Variants in PDHX observed in about 807,000 individuals in gnomAD.
The protein encoded by PDHX is pyruvate dehydrogenase complex component X, also known as pyruvate dehydrogenase protein X component, mitochondrial.
PDHX carries 33 observed loss-of-function variants against 55.3 expected under a neutral mutation model. That is an observed-to-expected ratio of 0.60 (90% CI 0.45 to 0.80). The LOEUF (loss-of-function observed/expected upper bound fraction) is 0.80, where lower values mean the gene tolerates loss of function less well. Among genes scored for constraint, PDHX ranks in the 30% least tolerant of loss-of-function variants. PDHX has a pLI of 0.00. For synonymous variants in PDHX, 226 were observed against 219.4 expected (o/e 1.03, Z -0.27); for missense variants, 622 against 619.9 (o/e 1.00, Z -0.04).
chr11:34,955,927 T>C (rs1207158085), intron 3 of PDHX, among the ~76,000 whole-genome samples: 1 of 152,158 alleles, frequency 6.6e-6, no homozygotes, highest in African/African-American at 2.4e-5. Flanking sequence ...TAACAGTGCT[T>C]TTTTGTATAC....
At chr11:34,917,621 A>G (rs571959488) in intron 1 of PDHX, among the ~76,000 whole-genome samples, 4 of 152,128 alleles carry the variant, frequency 2.6e-5, no homozygotes, top group Non-Finnish European at 5.9e-5. Context: ...GGCACTCTAC[A>G]GAATGAATTT....
intron 8 of PDHX, among the ~76,000 whole-genome samples, chr11:34,982,146 A>C (rs1437675732): frequency 1.3e-4 from 20 of 152,218 alleles, no homozygotes; most frequent in Admixed American, 1.3e-3. Flanking sequence ...TCTAACATTT[A>C]AGTCTTTAAT....
intron 2 of PDHX, among the ~76,000 whole-genome samples, chr11:34,940,851 GA>G (rs1341098694): frequency 2.0e-5 from 3 of 152,146 alleles, no homozygotes; most frequent in Admixed American, 6.5e-5. Context: ...GATTTAGCAT[GA>G]TTAAGGTTCA....
In PDHX at chr11:34,992,894, A is replaced by G. The variant is rs142695901; in HGVS notation, c.1247+515A>G. 6.4e-4 allele frequency among the ~76,000 whole-genome samples: 98 copies of G among 152,010 alleles called. No individual in the cohort carries two copies. In the East Asian group the frequency reaches 0.017, roughly 26 times the overall value. ...GACCTAAAAGTAGAATTCCTAAGTT[A>G]GAAGCTTTAGCAGCTACTACCAAAC... On this transcript the variant is annotated intron_variant, in intron 10 of 10. Coordinates refer to ENST00000227868, the MANE Select transcript of PDHX (RefSeq NM_003477.3).
At chr11:34,954,513 A>C (rs1854860164) in intron 3 of PDHX, among the ~76,000 whole-genome samples, 1 of 152,172 alleles carries the variant, frequency 6.6e-6, no homozygotes, top group Non-Finnish European at 1.5e-5. Context: ...AGAATTATGA[A>C]GAAATAGTTT....
At chr11:34,974,274 T>G (rs1280007407) in intron 7 of PDHX, among the ~76,000 whole-genome samples, 6 of 152,222 alleles carry the variant, frequency 3.9e-5, no homozygotes, top group Admixed American at 3.9e-4. Context: ...GTACTTGTCC[T>G]TTTGTGACTG....
At chr11:34,977,316 A>T (rs1855400600) in intron 7 of PDHX, among the ~76,000 whole-genome samples, 1 of 152,176 alleles carries the variant, frequency 6.6e-6, no homozygotes, top group South Asian at 2.1e-4. Context: ...ACATTTTCTA[A>T]CACTGTTATA....
intron 5 of PDHX, among the ~76,000 whole-genome samples, chr11:34,961,424 T>C (rs574918653): frequency 4.3e-4 from 65 of 152,336 alleles, no homozygotes; most frequent in Non-Finnish European, 7.8e-4. Flanking sequence ...TACATTTTTA[T>C]TGGCAGTAAT....
intron 1 of PDHX, among the ~76,000 whole-genome samples, chr11:34,917,306 A>G (rs543685761): frequency 5.3e-5 from 8 of 152,272 alleles, no homozygotes; most frequent in Middle Eastern, 3.4e-3. Context: ...CTCGTGGAAG[A>G]CTTAAATTTG....
intron 2 of PDHX, among the ~76,000 whole-genome samples, chr11:34,936,962 T>C: frequency 6.6e-6 from 1 of 151,906 alleles, no homozygotes; most frequent in Admixed American, 6.6e-5. Flanking sequence ...CTAATTTTTA[T>C]GTTTTTAGTA....
chr11:34,946,756 A>C (rs1452893758), intron 2 of PDHX, among the ~76,000 whole-genome samples: 1 of 152,218 alleles, frequency 6.6e-6, no homozygotes, highest in Non-Finnish European at 1.5e-5. Context: ...TTATGAGTAG[A>C]AGAACCCTGA....
Position 34,993,172 on chromosome 11 carries a change from T to C in PDHX, c.1247+793T>C, listed in dbSNP as rs186791149. Among the ~76,000 whole-genome samples the C allele has an allele frequency of 1.3e-3, 192 of 152,228 alleles. No individual in the cohort carries two copies. The Middle Eastern group carries it at 0.014, about 11-fold the overall frequency. On this transcript the variant is annotated intron_variant, in intron 10 of 10. Transcript: ENST00000227868. ...ATCTGGTGTCCATTTAAAAAAATGA[T>C]GTATAGTTCTTATTTCTGGATATAC... is the stretch of plus-strand genomic sequence containing the variant.
chr11:34,978,367 A>C (rs2133991201), intron 8 of PDHX, among the ~76,000 whole-genome samples, 185 bp downstream of exon 8: 1 of 152,296 alleles, frequency 6.6e-6, no homozygotes, highest in South Asian at 2.1e-4. Context: ...AAGGGCTCAC[A>C]ATGAATTAGA....
rs774065524 is a variant in PDHX at position 34,957,561 on chromosome 11, G to A, written c.520G>A (p.Glu174Lys). The change falls in exon 4 of 11, where the codon GAA becomes AAA. Residue 174 changes from glutamate to lysine, a missense_variant. Glu to Lys is a moderately conservative substitution (Grantham distance 56). Transcript: ENST00000227868. The stretch of plus-strand genomic sequence containing the variant: ...ACAGATTTCCATCCCTGTCAAGAAG[G>A]AACACATACCCGGGACACTACGGTG... ...EPQISIPVKK[E>K]HIPGTLRFRL... 2.6e-5 allele frequency: 42 copies of A among 1,613,500 alleles called. No homozygotes were observed. The highest frequency in any genetic ancestry group is 3.1e-5 in the Non-Finnish European group (37 of 1,179,834).
chr11:34,965,652 T>C (rs1312021908), intron 5 of PDHX, among the ~76,000 whole-genome samples: 2 of 152,134 alleles, frequency 1.3e-5, no homozygotes, highest in African/African-American at 2.4e-5. Context: ...GGCAGGAATA[T>C]TGGGGCCATC....
chr11:34,945,266 C>T (rs1198614935), intron 2 of PDHX, among the ~76,000 whole-genome samples: 1 of 152,072 alleles, frequency 6.6e-6, no homozygotes, highest in African/African-American at 2.4e-5. Context: ...GAGTTTTACA[C>T]TTTTTAAACC....
At chr11:34,953,950 T>C (rs191345618) in intron 3 of PDHX, among the ~76,000 whole-genome samples, 7 of 152,362 alleles carry the variant, frequency 4.6e-5, no homozygotes, top group Admixed American at 3.9e-4. Context: ...CTTCTTCCCC[T>C]CTGTATTTTA....
At chr11:34,973,225 T>A (rs186819820) in intron 7 of PDHX, among the ~76,000 whole-genome samples, 106 of 152,360 alleles carry the variant, frequency 7.0e-4, no homozygotes, top group Non-Finnish European at 1.5e-4. Flanking sequence ...AAGCCTTCTT[T>A]ATCACATCTG....
intron 1 of PDHX, among the ~76,000 whole-genome samples, chr11:34,923,218 G>T (rs1216328810): frequency 2.6e-5 from 4 of 151,940 alleles, no homozygotes; most frequent in African/African-American, 9.7e-5. Context: ...CATTTTTTTG[G>T]TAGGCAGTAC....
Sources: allele counts gnomAD v4.1 joint callset (sites outside exome capture counted in the v4.1 genomes callset), GRCh38; gene constraint gnomAD v4.1.1; transcripts MANE v1.5; gene names NCBI Gene and HGNC (gene_info 2026-07-23, HGNC 2026-07-21).